Variants in SPOCK3 observed in about 807,000 individuals in gnomAD.
SPOCK3 encodes the protein SPARC (osteonectin), cwcv and kazal like domains proteoglycan 3.
A neutral mutation model predicts 56.6 loss-of-function variants in SPOCK3; 30 were observed. That is an observed-to-expected ratio of 0.53 (90% confidence interval 0.40 to 0.72). The LOEUF (loss-of-function observed/expected upper bound fraction) is 0.72, where lower values mean the gene tolerates loss of function less well. Among genes scored for constraint, SPOCK3 ranks in the 30% least tolerant of loss-of-function variants. SPOCK3 has a pLI of 0.00. For synonymous variants in SPOCK3, 196 were observed against 183.3 expected (o/e 1.07, Z -0.56); for missense variants, 527 against 530.0 (o/e 0.99, Z 0.06).
At chr4:167,230,789 ATGTCT>A (rs1410603306) in intron 2 of SPOCK3, among the ~76,000 whole-genome samples, 2 of 152,154 alleles carry the variant, frequency 1.3e-5, no homozygotes, top group Non-Finnish European at 2.9e-5. Context: ...AAAGCTCTTT[ATGTCT>A]ATAACATTAA....
In SPOCK3 at chr4:167,146,988, C is replaced by T. The variant is rs558848267; in HGVS notation, c.190-84451G>A. 1.5e-4 allele frequency among the ~76,000 whole-genome samples: 23 copies of T among 151,912 alleles called. No homozygotes were observed. In the South Asian group the frequency reaches 2.3e-3, roughly 15 times the overall value. On this transcript the variant is annotated intron_variant, in intron 2 of 10. Coordinates refer to ENST00000357545, the MANE Select transcript of SPOCK3 (RefSeq NM_001040159.2). ...ACCGGAACTAAAGGAGATAGAGACA[C>T]GAAAAACCCTTCAAAAAATCAATGA...
intron 4 of SPOCK3, among the ~76,000 whole-genome samples, chr4:166,949,889 C>T (rs944695874): frequency 2.0e-5 from 3 of 151,378 alleles, no homozygotes; most frequent in East Asian, 1.9e-4. Context: ...AAATGCTGAG[C>T]AATTTTGTCA....
intron 2 of SPOCK3, among the ~76,000 whole-genome samples, chr4:167,072,321 A>G (rs951381703): frequency 2.6e-5 from 4 of 152,120 alleles, no homozygotes; most frequent in Admixed American, 6.6e-5. Flanking sequence ...ATAAAGTTTT[A>G]TTAGCCACAC....
chr4:167,113,620 G>A (rs1190265130), intron 2 of SPOCK3, among the ~76,000 whole-genome samples: 2 of 151,954 alleles, frequency 1.3e-5, no homozygotes, highest in Non-Finnish European at 2.9e-5. Flanking sequence ...AAGTTGGCAG[G>A]ATTAAAGGAA....
chr4:166,786,796 T>C (rs1210358077), intron 7 of SPOCK3, among the ~76,000 whole-genome samples: 23 of 152,342 alleles, frequency 1.5e-4, no homozygotes, highest in Non-Finnish European at 5.9e-5. Flanking sequence ...TCGTGGCCAC[T>C]ATTTCCAGCC....
chr4:167,222,884 T>C (rs1320384451), intron 2 of SPOCK3, among the ~76,000 whole-genome samples: 1 of 128,188 alleles, frequency 7.8e-6, no homozygotes, highest in Non-Finnish European at 1.5e-5. Context: ...TATATTGATA[T>C]ATGAATATAT....
intron 2 of SPOCK3, among the ~76,000 whole-genome samples, chr4:167,147,000 C>CA (rs374854296): frequency 7.2e-5 from 11 of 151,810 alleles, no homozygotes; most frequent in East Asian, 1.9e-4. Flanking sequence ...AAAAACCCTT[C>CA]AAAAAATCAA....
intron 6 of SPOCK3, among the ~76,000 whole-genome samples, chr4:166,800,886 G>A (rs1027009576): frequency 1.3e-5 from 2 of 152,058 alleles, no homozygotes; most frequent in African/African-American, 4.8e-5. Flanking sequence ...GACACCCAGA[G>A]CAACTTCCCA....
chr4:167,174,878 T>A (rs1730836002), intron 2 of SPOCK3, among the ~76,000 whole-genome samples: 1 of 149,918 alleles, frequency 6.7e-6, no homozygotes, highest in African/African-American at 2.4e-5. Context: ...GAAACTAATC[T>A]TTTTTTTTTC....
chr4:167,093,997 G>A (rs910985638), intron 2 of SPOCK3, among the ~76,000 whole-genome samples: 1 of 152,066 alleles, frequency 6.6e-6, no homozygotes, highest in Non-Finnish European at 1.5e-5. Flanking sequence ...GAATTCTTGG[G>A]CTAGAATAAA....
chr4:166,778,088 G>A (rs1403751627), intron 7 of SPOCK3, among the ~76,000 whole-genome samples: 1 of 152,080 alleles, frequency 6.6e-6, no homozygotes, highest in African/African-American at 2.4e-5. Flanking sequence ...AGGCCTACAA[G>A]ACATGTCATA....
In SPOCK3 at chr4:167,194,196, C is replaced by G. The variant is rs773311997; in HGVS notation, c.189+39789G>C. ...CATTACTAAGGCAGGTTTTAAAATTCTCTATGAATATTTCACTTCTGTCAT... is the reference window on the plus strand; with the variant it reads ...CATTACTAAGGCAGGTTTTAAAATTGTCTATGAATATTTCACTTCTGTCAT... On this transcript the variant is annotated intron_variant, in intron 2 of 10. Coordinates refer to ENST00000357545, the MANE Select transcript of SPOCK3 (RefSeq NM_001040159.2). Among the ~76,000 whole-genome samples, 6 of 131,748 alleles carry G rather than the reference C, an allele frequency of 4.6e-5. 1 individual carries two copies. The highest frequency in any genetic ancestry group is 1.6e-4 in the Admixed American group (2 of 12,346). The allele number at this position is 131,748 out of a possible 152,430, so 86.4% of individuals were successfully genotyped here.
intron 4 of SPOCK3, among the ~76,000 whole-genome samples, chr4:166,972,166 A>T (rs778597486): frequency 6.6e-6 from 1 of 152,178 alleles, no homozygotes; most frequent in Non-Finnish European, 1.5e-5. Context: ...ACAAGCTGGA[A>T]ATTCTTCAAA....
intron 7 of SPOCK3, among the ~76,000 whole-genome samples, chr4:166,778,719 C>T (rs1037459354): frequency 1.4e-5 from 2 of 144,196 alleles, no homozygotes; most frequent in African/African-American, 5.1e-5. Context: ...TAATTGAATT[C>T]TAGACTTTTT....
intron 2 of SPOCK3, among the ~76,000 whole-genome samples, chr4:167,209,729 C>T (rs537397720): frequency 8.5e-5 from 13 of 152,200 alleles, no homozygotes; most frequent in African/African-American, 3.1e-4. Context: ...GCTTAGAACA[C>T]TAGCAAATTG....
chr4:167,194,114 C>CTCAGTATT (rs199574653), intron 2 of SPOCK3, among the ~76,000 whole-genome samples: 1 of 147,574 alleles, frequency 6.8e-6, no homozygotes, highest in African/African-American at 2.6e-5. Flanking sequence ...TCAGTTGGTT[C>CTCAGTATT]CTTTGTTTGT....
chr4:166,787,924 G>GTAA (rs1264394297), intron 7 of SPOCK3, among the ~76,000 whole-genome samples: 2 of 152,160 alleles, frequency 1.3e-5, no homozygotes, highest in East Asian at 3.9e-4. Flanking sequence ...GCTCATACCT[G>GTAA]TAATCCCAGC....
chr4:166,997,714 C>A (rs958655061), intron 4 of SPOCK3, among the ~76,000 whole-genome samples: 1 of 151,928 alleles, frequency 6.6e-6, no homozygotes, highest in Non-Finnish European at 1.5e-5. Context: ...CTGTAAGATG[C>A]GAAGGTTGAA....
chr4:166,788,032 G>C (rs551100559), intron 7 of SPOCK3, among the ~76,000 whole-genome samples: 49 of 152,044 alleles, frequency 3.2e-4, no homozygotes, highest in African/African-American at 1.1e-3. Context: ...AAATACAAAA[G>C]GTTAGCTGGT....
Sources: gnomAD v4.1 joint callset for allele counts (sites outside exome capture counted in the v4.1 genomes callset) on GRCh38, gnomAD v4.1.1 for gene constraint, MANE v1.5 for transcripts, NCBI Gene and HGNC (gene_info 2026-07-23, HGNC 2026-07-21) for gene names.